Variants in PLEKHG5 observed in about 807,000 individuals in gnomAD.
PLEKHG5 encodes the protein pleckstrin homology and RhoGEF domain containing G5, also known as pleckstrin homology domain-containing family G member 5.
In PLEKHG5, 52 loss-of-function variants were observed where a neutral mutation model predicts 103.8. The ratio of observed to expected loss-of-function variants is 0.50; its 90% CI spans 0.40 to 0.63. PLEKHG5 has a LOEUF of 0.63. Among genes scored for constraint, PLEKHG5 ranks in the 30% least tolerant of loss-of-function variants. The pLI is 0.00. For missense variants in PLEKHG5, 1,205 were observed against 1,347.6 expected (o/e 0.89, Z 1.66); for synonymous variants, 592 against 575.5 (o/e 1.03, Z -0.41).
chr1:6,498,440 A>G (rs1274490153), upstream of PLEKHG5, among the ~76,000 whole-genome samples: 1 of 152,162 alleles, frequency 6.6e-6, no homozygotes, highest in Non-Finnish European at 1.5e-5. Flanking sequence ...AGTAGCACGG[A>G]TCCCGGGTCT....
At chr1:6,518,978 G>T (rs1203478686) in intron 1 of PLEKHG5, among the ~76,000 whole-genome samples, 1 of 152,208 alleles carries the variant, frequency 6.6e-6, no homozygotes, top group African/African-American at 2.4e-5. Context: ...CGAGAGCTGG[G>T]ACTACAGGTG....
intron 1 of PLEKHG5, among the ~76,000 whole-genome samples, chr1:6,519,117 C>T (rs1638705422): frequency 6.6e-6 from 1 of 152,246 alleles, no homozygotes; most frequent in Admixed American, 6.5e-5. Context: ...GCTGGGATTA[C>T]AGGCGTGAGC....
rs1360587296 is a variant in PLEKHG5, at chr1:6,477,614, G to A, written c.-43C>T. 4.3e-6 allele frequency: 7 copies of A among 1,610,466 alleles called. No individual in the cohort carries two copies. The highest frequency in any genetic ancestry group is 1.7e-5 in the Admixed American group (1 of 60,008). ...TGTCACAGGCCTCGCAGAGGTTGAG[G>A]GGCCCCCGGCGGTGCAGCTGCTGGC... On this transcript the variant is annotated 5_prime_UTR_variant, in exon 2 of 21. Transcript: ENST00000377728.
chr1:6,474,878 T>C, intron 5 of PLEKHG5, 169 bp downstream of exon 5: 1 of 730,548 alleles, frequency 1.4e-6, no homozygotes, highest in Non-Finnish European at 2.5e-6. Flanking sequence ...CCCACCGCAC[T>C]CCCTCACACT....
intron 1 of PLEKHG5, chr1:6,485,872 T>A (rs1645024682): frequency 2.0e-6 from 2 of 987,666 alleles, no homozygotes; most frequent in Non-Finnish European, 2.4e-6. Context: ...CCCTCTCTTC[T>A]CTGACTCCCT....
chr1:6,473,219 C>T (rs1644649426), intron 8 of PLEKHG5, 32 bp downstream of exon 8: 2 of 1,612,686 alleles, frequency 1.2e-6, no homozygotes, highest in East Asian at 4.5e-5. Flanking sequence ...GGCCAGCCAG[C>T]TGCCTGACCC....
At chr1:6,484,823 G>T (rs1372451903) in intron 1 of PLEKHG5, among the ~76,000 whole-genome samples, 2 of 152,116 alleles carry the variant, frequency 1.3e-5, no homozygotes, top group Non-Finnish European at 2.9e-5. Flanking sequence ...GGAACAGCCA[G>T]CTCCCACCCC....
Position 6,489,990 on chromosome 1 carries a change from C to T in PLEKHG5, c.-88+1647G>A, listed in dbSNP as rs527594030. On this transcript the variant is annotated intron_variant, in intron 1 of 20. Coordinates refer to ENST00000377728, the MANE Select transcript of PLEKHG5 (RefSeq NM_020631.6). ...TTCACGGGTCTCCCGCATCCCCCAC[C>T]CCTAAGTGGGTGCCTGGGTCTGCTC... is the stretch of plus-strand genomic sequence containing the variant. Among the ~76,000 whole-genome samples the T allele has an allele frequency of 4.2e-3, 643 of 152,340 alleles. 3 individuals carry two copies. The highest frequency in any genetic ancestry group is 0.015 in the African/African-American group (619 of 41,582).
chr1:6,486,925 A>G lies in PLEKHG5; in HGVS notation c.-88+4712T>C, dbSNP rs12565527. On this transcript the variant is annotated intron_variant, in intron 1 of 20. Coordinates refer to ENST00000377728, the MANE Select transcript of PLEKHG5 (RefSeq NM_020631.6). This position sits in a 1 kb window ranked among gnomAD's most constrained non-coding sequence, Gnocchi z 5.3. ...TGGCCATGCTGTCTGTCATCAGCCCACCCACCCCTAATTGCTCCTCCTCCA... is the reference window on the plus strand; with the variant it reads ...TGGCCATGCTGTCTGTCATCAGCCCGCCCACCCCTAATTGCTCCTCCTCCA... Among the ~76,000 whole-genome samples, 15,062 of 152,026 alleles carry G rather than the reference A, an allele frequency of 0.099. 957 individuals are homozygous for G. Among genetic ancestry groups the G allele is most frequent in the East Asian group, 0.27 (1,380 of 5,158 alleles).
In PLEKHG5 at chr1:6,468,178, C is replaced by T. The variant is rs1260981559; in HGVS notation, c.2658G>A (p.Leu886=). The T allele has an allele frequency of 3.8e-6, 6 of 1,569,460 alleles. No individual in the cohort carries two copies. The highest frequency in any genetic ancestry group is 4.3e-6 in the Non-Finnish European group (5 of 1,156,150). ...SKSEASLLQL[L]AGAGTHGTPS... ...GTGTCCCATGGGTGCCAGCCCCTGC[C>T]AGCAGCTGGAGGAGGCTGGCCTCGG... Residue 886 remains leucine (L), a synonymous_variant, in exon 20 of 21, where the codon CTG becomes CTA. Transcript: ENST00000377728.
intron 1 of PLEKHG5, among the ~76,000 whole-genome samples, chr1:6,511,086 CA>C (rs34803463): frequency 2.6e-3 from 377 of 142,672 alleles, no homozygotes; most frequent in African/African-American, 3.6e-3. Context: ...GAAACTGTGT[CA>C]AAAAAAAAAA....
chr1:6,494,055 G>A (rs1394762396), upstream of PLEKHG5, among the ~76,000 whole-genome samples: 1 of 146,856 alleles, frequency 6.8e-6, no homozygotes, highest in Non-Finnish European at 1.5e-5. Flanking sequence ...AGGCTCAAAT[G>A]ATCCTCCCAC....
intron 1 of PLEKHG5, chr1:6,485,779 C>A (rs6693457): frequency 6.2e-6 from 4 of 646,740 alleles, no homozygotes; most frequent in Non-Finnish European, 7.7e-6. Flanking sequence ...GCCCCGCCTC[C>A]GCCCAGTCCC....
chr1:6,519,621 A>G (rs2148642673), exon 1 of PLEKHG5: 1 of 830,820 alleles, frequency 1.2e-6, no homozygotes, highest in Non-Finnish European at 2.1e-6. Flanking sequence ...CCCAGTTGCC[A>G]TCTCAACATG....
upstream of PLEKHG5, among the ~76,000 whole-genome samples, chr1:6,501,187 C>G (rs1014431215): frequency 2.6e-5 from 4 of 152,140 alleles, no homozygotes; most frequent in Non-Finnish European, 5.9e-5. This position sits in a 1 kb window ranked among gnomAD's most constrained non-coding sequence, Gnocchi z 4.3. Flanking sequence ...ACAAATGCTT[C>G]CAGCCCCCAC....
In PLEKHG5 at chr1:6,471,802, G is replaced by A. The variant is rs1644600229; in HGVS notation, c.1087C>T (p.Leu363=). The stretch of plus-strand genomic sequence containing the variant: ...TCTTGCAGGTTCAGGAGGCAGCACA[G>A]GAACAGCTGTGGGATCAGGGGATGG... The part of the protein sequence containing the change: ...RKLRVIINLF[L]CCLLNLQESG... Residue 363 remains leucine, a synonymous_variant, in exon 11 of 21, where the codon CTG becomes TTG. Transcript: ENST00000377728. 1 of 1,608,466 alleles carries A rather than the reference G, an allele frequency of 6.2e-7. No individual in the cohort carries two copies. The highest frequency in any genetic ancestry group is 1.3e-5 in the African/African-American group (1 of 74,860).
upstream of PLEKHG5, among the ~76,000 whole-genome samples, chr1:6,495,162 T>C (rs143495321): frequency 0.015 from 2,261 of 152,330 alleles, 50 homozygotes; most frequent in African/African-American, 0.049. Flanking sequence ...AGGATGTATA[T>C]TGGGGGGAGC....
At chr1:6,497,972 C>T (rs1203413959), upstream of PLEKHG5, among the ~76,000 whole-genome samples, 1 of 151,764 alleles carries the variant, frequency 6.6e-6, no homozygotes, top group Non-Finnish European at 1.5e-5. The surrounding 1 kb of genome is among the most constrained non-coding windows in gnomAD (Gnocchi z 6.1). Flanking sequence ...CGTCCCCACC[C>T]AGTCCCCAGC....
chr1:6,499,419 C>A (rs115063772), upstream of PLEKHG5, among the ~76,000 whole-genome samples: 1,277 of 152,294 alleles, frequency 8.4e-3, 10 homozygotes, highest in African/African-American at 0.029. Flanking sequence ...TCAGCAGGCT[C>A]CAGGTGCTCA....
Sources: gnomAD v4.1 joint callset for allele counts (sites outside exome capture counted in the v4.1 genomes callset) on GRCh38, gnomAD v4.1.1 for gene constraint, Gnocchi (gnomAD v3.1) non-coding constraint, MANE v1.5 for transcripts, NCBI Gene and HGNC (gene_info 2026-07-23, HGNC 2026-07-21) for gene names.